The following LIX1L variants were observed in gnomAD, a reference collection of about 807,000 sequenced individuals.
LIX1L encodes LIX1-like protein.
In LIX1L, 20 loss-of-function variants were observed where a neutral mutation model predicts 34.0. The ratio of observed to expected loss-of-function variants is 0.59; its 90% CI spans 0.41 to 0.85. The LOEUF (loss-of-function observed/expected upper bound fraction) is 0.85, where lower values mean the gene tolerates loss of function less well. Ranked by LOEUF, LIX1L falls within the 40% of genes least tolerant of loss-of-function variation. LIX1L has a pLI of 0.00. For missense variants in LIX1L, 397 were observed against 447.0 expected (o/e 0.89, Z 1.01); for synonymous variants, 170 against 187.4 (o/e 0.91, Z 0.76).
rs781833911 is a variant in LIX1L at position 145,936,353 on chromosome 1, A to C, written c.971T>G (p.Leu324Arg). ...FHKEKKDILVLAAGQLGNMHS... is the reference protein window; with the variant it reads ...FHKEKKDILVRAAGQLGNMHS... The stretch of plus-strand genomic sequence containing the variant: ...CATATTGCCCAACTGCCCAGCAGCC[A>C]GCACAAGAATATCTTTCTTCTCCTT... Residue 324 changes from leucine to arginine, a missense_variant, in exon 6 of 6, where the codon CTG (leucine) becomes CGG (arginine). Coordinates refer to ENST00000604000, the MANE Select transcript of LIX1L (RefSeq NM_153713.3). The C allele has an allele frequency of 1.9e-6, 3 of 1,614,222 alleles. No homozygotes were observed. Among genetic ancestry groups the C allele is most frequent in the Admixed American group, 3.3e-5 (2 of 60,014 alleles).
Position 145,936,901 on chromosome 1 carries a change from C to T in LIX1L, c.771+7G>A. On this transcript the variant is annotated splice_region_variant and intron_variant, in intron 5 of 5. Transcript: ENST00000604000. Reference sequence around the variant, plus strand: ...CCTCATTCGCCCCCACTCATAAAATCTCTTACCTGCCGAGAGCATTGTCGT... The same window carrying T: ...CCTCATTCGCCCCCACTCATAAAATTTCTTACCTGCCGAGAGCATTGTCGT... The T allele has an allele frequency of 1.2e-6, 2 of 1,602,204 alleles. No individual in the cohort carries two copies. Among genetic ancestry groups the T allele is most frequent in the South Asian group, 1.1e-5 (1 of 90,822 alleles).
At chr1:145,941,859 G>A (rs1553758684) in intron 3 of LIX1L, 1 of 152,082 alleles carries the variant, frequency 6.6e-6, no homozygotes, top group South Asian at 2.1e-4. Flanking sequence ...CTGCCACAAG[G>A]TAAATACTCA....
rs143637757 is a variant in LIX1L, at chr1:145,939,370, A to G, written c.598-1671T>C. Among the ~76,000 whole-genome samples the G allele has an allele frequency of 5.4e-3, 784 of 145,374 alleles. 5 individuals are homozygous for G. The highest frequency in any genetic ancestry group is 0.017 in the African/African-American group (667 of 38,784). ...GCCCAGGCTGGAGTGCAGTGGTGCGATCTCAGTTCACCGCAACCTCCACCT... is the reference window on the plus strand; with the variant it reads ...GCCCAGGCTGGAGTGCAGTGGTGCGGTCTCAGTTCACCGCAACCTCCACCT... On this transcript the variant is annotated intron_variant, in intron 3 of 5. Transcript: ENST00000604000.
intron 3 of LIX1L, among the ~76,000 whole-genome samples, chr1:145,938,239 C>T (rs938727624): frequency 1.3e-5 from 2 of 151,958 alleles, no homozygotes; most frequent in Non-Finnish European, 1.5e-5. Flanking sequence ...AAATATTTTA[C>T]ATTTTTGTAC....
chr1:145,937,064 T>C, intron 4 of LIX1L, 79 bp from the exon 5 acceptor site: 1 of 945,926 alleles, frequency 1.1e-6, no homozygotes, highest in Non-Finnish European at 1.7e-6. Flanking sequence ...GGGAAACCTT[T>C]TACAAAATGG....
chr1:145,936,372 TCTC>T lies in LIX1L; in HGVS notation c.949_951del (p.Glu317del), dbSNP rs1648642973. 6.2e-7 allele frequency: 1 copy of T among 1,614,106 alleles called. No homozygotes were observed. Among genetic ancestry groups the T allele is most frequent in the Non-Finnish European group, 8.5e-7 (1 of 1,180,022 alleles). On this transcript the variant is annotated inframe_deletion, in exon 6 of 6. Coordinates refer to ENST00000604000, the MANE Select transcript of LIX1L (RefSeq NM_153713.3). ...GCAGCCAGCACAAGAATATCTTTCT[TCTC>T]CTTGTGGAAGCGCAGCTCCTTGCCT...
At chr1:145,954,210 C>G (rs902313446) in intron 1 of LIX1L, among the ~76,000 whole-genome samples, 1 of 152,176 alleles carries the variant, frequency 6.6e-6, no homozygotes, top group Non-Finnish European at 1.5e-5. Context: ...CCTAGAGCTT[C>G]TGGAGGGAGC....
chr1:145,945,098 A>G (rs1435362597), intron 2 of LIX1L, among the ~76,000 whole-genome samples: 1 of 151,848 alleles, frequency 6.6e-6, no homozygotes, highest in Non-Finnish European at 1.5e-5. Flanking sequence ...TGGGAAGCTG[A>G]GGCAGGCAGA....
At chr1:145,944,533 A>G (rs943469080) in intron 2 of LIX1L, 1 of 152,254 alleles carries the variant, frequency 6.6e-6, no homozygotes, top group African/African-American at 2.4e-5. Flanking sequence ...GTCTGTTACT[A>G]GCTTGCTGGC....
Position 145,947,870 on chromosome 1 carries a change from CT to C in LIX1L, c.293-89del, listed in dbSNP as rs1570968980. 2.5e-6 allele frequency: 3 copies of C among 1,207,304 alleles called. No individual in the cohort carries two copies. In the East Asian group the frequency reaches 7.1e-5, roughly 28 times the overall value. 74.8% of individuals were successfully genotyped at this position (1,207,304 alleles called of 1,614,324 possible). ...TCAATACAGTACCTGTAACCTGTACCTACATTAAGAGTCTGCCCCTTAGCTC... is the reference window on the plus strand; with the variant it reads ...TCAATACAGTACCTGTAACCTGTACCACATTAAGAGTCTGCCCCTTAGCTC... On this transcript the variant is annotated intron_variant, in intron 1 of 5. Coordinates refer to ENST00000604000, the MANE Select transcript of LIX1L (RefSeq NM_153713.3).
intron 2 of LIX1L, among the ~76,000 whole-genome samples, chr1:145,943,957 C>T (rs2101899523): frequency 6.6e-6 from 1 of 152,060 alleles, no homozygotes; most frequent in Non-Finnish European, 1.5e-5. Flanking sequence ...GCAGAAGGAT[C>T]ACTTGAGCCA....
At chr1:145,945,807 G>A (rs1361941295) in intron 2 of LIX1L, among the ~76,000 whole-genome samples, 2 of 150,530 alleles carry the variant, frequency 1.3e-5, no homozygotes, top group East Asian at 3.9e-4. Flanking sequence ...GAAAGCACAG[G>A]CTGGGCGCAG....
intron 2 of LIX1L, 96 bp downstream of exon 2, chr1:145,947,523 A>G: frequency 7.6e-7 from 1 of 1,318,488 alleles, no homozygotes; most frequent in Non-Finnish European, 1.1e-6. Context: ...GTCCTCAAAT[A>G]TATGATTTCA....
In LIX1L at chr1:145,942,749, G is replaced by T. The variant is rs781823541; in HGVS notation, c.561C>A (p.Ile187=). ...HPSRRITDEF[I]EKSVSEALAS... is the part of the protein sequence containing the mutation. ...CCAGGGCCTCAGAGACACTCTTCTC[G>T]ATGAACTCATCAGTGATTCTTCGGG... The change falls in exon 3 of 6, where the codon ATC becomes ATA. Residue 187 remains isoleucine (I), a synonymous_variant. Coordinates refer to ENST00000604000, the MANE Select transcript of LIX1L (RefSeq NM_153713.3). 9.9e-6 allele frequency: 16 copies of T among 1,614,046 alleles called. No homozygotes were observed. The East Asian group carries it at 3.6e-4, about 36-fold the overall frequency.
chr1:145,956,517 T>C (rs1349701371), intron 1 of LIX1L, among the ~76,000 whole-genome samples: 2 of 152,182 alleles, frequency 1.3e-5, no homozygotes, highest in Non-Finnish European at 2.9e-5. Flanking sequence ...GGCTGGTAAG[T>C]GACAAAGATC....
At chr1:145,951,929 G>A (rs1649311899) in intron 1 of LIX1L, among the ~76,000 whole-genome samples, 1 of 152,230 alleles carries the variant, frequency 6.6e-6, no homozygotes, top group Non-Finnish European at 1.5e-5. Flanking sequence ...GGGACATGGG[G>A]AGTCTTGATT....
chr1:145,951,388 G>A (rs980942527), intron 1 of LIX1L, among the ~76,000 whole-genome samples: 6 of 152,042 alleles, frequency 3.9e-5, no homozygotes, highest in East Asian at 1.9e-4. Context: ...AAATTATCTC[G>A]CCTGCTCTGT....
At position 145,934,469 on chromosome 1, in the gene LIX1L, G is replaced by A. The variant is rs1250657278; in HGVS notation, c.*1841C>T. 1 of 151,942 alleles carries A rather than the reference G, an allele frequency of 6.6e-6. No homozygotes were observed. Among genetic ancestry groups the A allele is most frequent in the Non-Finnish European group, 1.5e-5 (1 of 68,144 alleles). 9.4% of individuals were successfully genotyped at this position (151,942 alleles called of 1,614,324 possible). A position where few individuals can be genotyped will look rare whatever the true frequency, so the allele number is the denominator to read the frequency against. On this transcript the variant is annotated 3_prime_UTR_variant, in exon 6 of 6. Coordinates refer to ENST00000604000, the MANE Select transcript of LIX1L (RefSeq NM_153713.3). ...GGCGCCTGTAGTCCCAGCTACTAAG[G>A]AGGCTGAGGCAGGAGAGTGGCGTGA...
Position 145,936,452 on chromosome 1 carries a change from A to G in LIX1L, c.872T>C (p.Leu291Pro). The change falls in exon 6 of 6, where the codon CTG becomes CCG. Residue 291 changes from leucine (L) to proline (P), a missense_variant. Leu to Pro is a moderately conservative substitution (Grantham distance 98). Around this residue, in one of 3 missense-constraint regions of LIX1L, gnomAD observed 174 missense variants for 204.0 expected, o/e 0.85. Transcript: ENST00000604000. The stretch of plus-strand genomic sequence containing the variant: ...CTCAGTAGAGGCCAGCTCTCTAGAC[A>G]GTGCCCCCGGCACACTCTGCTCCCG... ...VSREQSVPGA[L>P]SRELASTERE... The G allele has an allele frequency of 1.2e-6, 2 of 1,614,162 alleles. No homozygotes were observed. The highest frequency in any genetic ancestry group is 1.7e-6 in the Non-Finnish European group (2 of 1,180,022).
Sources: gnomAD v4.1 joint callset for allele counts (sites outside exome capture counted in the v4.1 genomes callset) on GRCh38, gnomAD v4.1.1 for gene constraint, gnomAD v4.1.1 regional missense constraint, MANE v1.5 for transcripts, NCBI Gene and HGNC (gene_info 2026-07-23, HGNC 2026-07-21) for gene names.